The following CHSY3 variants were observed in gnomAD, a reference collection of about 807,000 sequenced individuals.
The protein encoded by CHSY3 is N-acetylgalactosaminyl-proteoglycan 3-beta-glucuronosyltransferase 3.
Under a neutral mutation model 67.2 loss-of-function variants are expected in CHSY3, and 35 were observed. The observed-to-expected ratio is 0.52, with a 90% CI of 0.40 to 0.69. The LOEUF (loss-of-function observed/expected upper bound fraction) is 0.69, where lower values mean the gene tolerates loss of function less well. Among genes scored for constraint, CHSY3 ranks in the 30% least tolerant of loss-of-function variants. The probability of loss-of-function intolerance (pLI) is 0.00; values close to 1 mark genes in which losing one functional copy is unlikely to be tolerated. For synonymous variants in CHSY3, 474 were observed against 434.7 expected (o/e 1.09, Z -1.12); for missense variants, 1,069 against 1,138.5 (o/e 0.94, Z 0.88).
At chr5:129,952,728 G>T (rs1762057926) in intron 2 of CHSY3, among the ~76,000 whole-genome samples, 1 of 152,150 alleles carries the variant, frequency 6.6e-6, no homozygotes, top group Non-Finnish European at 1.5e-5. Flanking sequence ...TTGGCATGCT[G>T]TGGTAGTTGC....
chr5:129,934,603 G>T (rs2149590771), intron 2 of CHSY3, among the ~76,000 whole-genome samples: 1 of 152,272 alleles, frequency 6.6e-6, no homozygotes, highest in South Asian at 2.1e-4. Context: ...ATTTGAAAAG[G>T]TTAGGAGGAA....
Position 130,185,523 on chromosome 5 carries a change from G to A in CHSY3, c.2381G>A (p.Gly794Asp), listed in dbSNP as rs776426646. 8.1e-6 allele frequency: 13 copies of A among 1,614,022 alleles called. No homozygotes were observed. Among genetic ancestry groups the A allele is most frequent in the Non-Finnish European group, 1.1e-5 (13 of 1,180,002 alleles). ...TACAAAAGTGATCTTCTAGGTGCAG[G>A]TGGATTTGATACCTCAATACAAGGC... is the stretch of plus-strand genomic sequence containing the variant. The part of the protein sequence containing the change: ...CIYKSDLLGA[G>D]GFDTSIQGWG... Residue 794 changes from glycine to aspartate, a missense_variant, in exon 3 of 3, where the codon GGT (glycine) becomes GAT (aspartate). Gly to Asp is a moderately conservative substitution (Grantham distance 94, BLOSUM62 -1). This residue lies in a region of CHSY3 where 139 missense variants were observed against 152.8 expected (regional missense o/e 0.91). Coordinates refer to ENST00000305031, the MANE Select transcript of CHSY3 (RefSeq NM_175856.5).
At chr5:129,926,916 A>T (rs1234649862) in intron 2 of CHSY3, among the ~76,000 whole-genome samples, 3 of 151,940 alleles carry the variant, frequency 2.0e-5, no homozygotes, top group Non-Finnish European at 4.4e-5. Context: ...AATAATTTTA[A>T]ATTTATTGAA....
chr5:130,090,604 C>A (rs186418592), intron 2 of CHSY3, among the ~76,000 whole-genome samples: 1 of 152,212 alleles, frequency 6.6e-6, no homozygotes, highest in South Asian at 2.1e-4. Flanking sequence ...TGTGAGCACA[C>A]ACCAATCCCT....
At chr5:130,162,766 C>A (rs1251356410) in intron 2 of CHSY3, among the ~76,000 whole-genome samples, 1 of 152,108 alleles carries the variant, frequency 6.6e-6, no homozygotes, top group Non-Finnish European at 1.5e-5. Context: ...TGGAGCAGAA[C>A]TGTGAGGAAG....
intron 2 of CHSY3, among the ~76,000 whole-genome samples, chr5:130,063,578 T>A (rs2149677834): frequency 6.6e-6 from 1 of 152,312 alleles, no homozygotes; most frequent in Non-Finnish European, 1.5e-5. Flanking sequence ...TCTCTTTTTA[T>A]AAATTTAGTA....
intron 2 of CHSY3, among the ~76,000 whole-genome samples, chr5:130,043,694 A>G (rs1765066768): frequency 6.6e-6 from 1 of 152,118 alleles, no homozygotes; most frequent in South Asian, 2.1e-4. Flanking sequence ...TTAGTCATTT[A>G]TTATATTTGA....
At chr5:129,961,977 A>G (rs768288430) in intron 2 of CHSY3, among the ~76,000 whole-genome samples, 1 of 151,996 alleles carries the variant, frequency 6.6e-6, no homozygotes, top group Admixed American at 6.6e-5. Flanking sequence ...CCAGGAAACT[A>G]TCCATACCTG....
intron 2 of CHSY3, among the ~76,000 whole-genome samples, chr5:129,943,080 A>G (rs1191692133): frequency 9.2e-5 from 14 of 152,180 alleles, no homozygotes; most frequent in Non-Finnish European, 2.1e-4. Context: ...TGATGCCATT[A>G]TAACAGTTTT....
chr5:130,098,705 C>A (rs1167290705), intron 2 of CHSY3, among the ~76,000 whole-genome samples: 1 of 152,122 alleles, frequency 6.6e-6, no homozygotes, highest in Non-Finnish European at 1.5e-5. Context: ...ACCCAGTTTC[C>A]TAATTCCACT....
intron 2 of CHSY3, among the ~76,000 whole-genome samples, chr5:130,154,087 T>A (rs899741376): frequency 6.6e-6 from 1 of 152,164 alleles, no homozygotes; most frequent in African/African-American, 2.4e-5. Context: ...CAGCTAATTT[T>A]CATACTTTTA....
At chr5:130,064,716 C>T (rs1765826977) in intron 2 of CHSY3, among the ~76,000 whole-genome samples, 1 of 152,098 alleles carries the variant, frequency 6.6e-6, no homozygotes, top group African/African-American at 2.4e-5. Context: ...AGGGCTGCTC[C>T]CAGAATTCTT....
At chr5:130,134,464 C>A (rs1017079597) in intron 2 of CHSY3, among the ~76,000 whole-genome samples, 2 of 152,238 alleles carry the variant, frequency 1.3e-5, no homozygotes, top group East Asian at 3.9e-4. Context: ...TGTTGACATT[C>A]ACCAATTGTA....
chr5:130,038,028 T>C (rs1228014963), intron 2 of CHSY3, among the ~76,000 whole-genome samples: 1 of 152,106 alleles, frequency 6.6e-6, no homozygotes, highest in Non-Finnish European at 1.5e-5. Context: ...AACCTGAACT[T>C]GATCTTTCAT....
chr5:130,162,598 G>C (rs1580791862), intron 2 of CHSY3, among the ~76,000 whole-genome samples: 1 of 152,162 alleles, frequency 6.6e-6, no homozygotes, highest in East Asian at 1.9e-4. Context: ...ACAGTGGGAT[G>C]ATCATGGCTC....
At position 130,185,767 on chromosome 5, in the gene CHSY3, C is replaced by A; in HGVS notation, c.2625C>A (p.Val875=). The part of the protein sequence containing the change: ...AELWLEKHLG[V]RYNRTLS Reference sequence around the variant, plus strand: ...TCTGGCTTGAAAAACATTTAGGTGTCAGGTACAATCGAACTCTCTCCTGAC... The same window carrying A: ...TCTGGCTTGAAAAACATTTAGGTGTAAGGTACAATCGAACTCTCTCCTGAC... The change falls in exon 3 of 3, where the codon GTC becomes GTA. Residue 875 remains valine, a synonymous_variant. Transcript: ENST00000305031. The A allele has an allele frequency of 6.2e-7, 1 of 1,602,878 alleles. No individual in the cohort carries two copies. The highest frequency in any genetic ancestry group is 1.1e-5 in the South Asian group (1 of 89,632).
rs76273759 is a variant in CHSY3, at chr5:130,157,654, G to A, written c.1087-26575G>A. On this transcript the variant is annotated intron_variant, in intron 2 of 2. Coordinates refer to ENST00000305031, the MANE Select transcript of CHSY3 (RefSeq NM_175856.5). ...CATCATGTCACCTGAAAGGGCTCCC[G>A]ATCCAGACCCCAAAAGAGGGTTCCT... is the stretch of plus-strand genomic sequence containing the variant. 9.4e-3 allele frequency among the ~76,000 whole-genome samples: 1,439 copies of A among 152,336 alleles called. 9 individuals are homozygous for A. The highest frequency in any genetic ancestry group is 0.015 in the Non-Finnish European group (994 of 68,030).
chr5:129,986,077 T>G (rs1228995077), intron 2 of CHSY3, among the ~76,000 whole-genome samples: 1 of 152,164 alleles, frequency 6.6e-6, no homozygotes, highest in Admixed American at 6.5e-5. Context: ...ATAGGAGTCA[T>G]GAGAATGGGC....
intron 2 of CHSY3, among the ~76,000 whole-genome samples, chr5:130,102,127 A>G (rs1430707423): frequency 2.0e-5 from 3 of 152,146 alleles, no homozygotes; most frequent in Non-Finnish European, 4.4e-5. Flanking sequence ...CGAATATATT[A>G]TCCTTGTATA....
Sources: allele counts gnomAD v4.1 joint callset (sites outside exome capture counted in the v4.1 genomes callset), GRCh38; gene constraint gnomAD v4.1.1; regional missense constraint gnomAD v4.1.1; transcripts MANE v1.5; gene names NCBI Gene and HGNC (gene_info 2026-07-23, HGNC 2026-07-21).